The following PHF20 variants were observed in gnomAD, a reference collection of about 807,000 sequenced individuals.
The protein encoded by PHF20 is glioma-expressed antigen 2.
A neutral mutation model predicts 113.5 loss-of-function variants in PHF20; 23 were observed. That is an observed-to-expected ratio of 0.20 (90% confidence interval 0.15 to 0.29). The LOEUF (loss-of-function observed/expected upper bound fraction) is 0.29. Among genes scored for constraint, PHF20 ranks in the 10% least tolerant of loss-of-function variants. The probability of loss-of-function intolerance (pLI) is 1.00; values close to 1 mark genes in which losing one functional copy is unlikely to be tolerated. For synonymous variants in PHF20, 434 were observed against 457.3 expected (o/e 0.95, Z 0.65); for missense variants, 943 against 1,219.6 (o/e 0.77, Z 3.38).
intron 7 of PHF20, among the ~76,000 whole-genome samples, chr20:35,869,811 G>C (rs1303917940): frequency 4.6e-5 from 7 of 152,156 alleles, no homozygotes; most frequent in Admixed American, 2.0e-4. Context: ...GATGCCACTG[G>C]AAATTTAATG....
chr20:35,851,919 A>G (rs78708543), intron 4 of PHF20, among the ~76,000 whole-genome samples: 1 of 146,674 alleles, frequency 6.8e-6, no homozygotes, highest in Non-Finnish European at 1.5e-5. Context: ...TCCGTCTCCA[A>G]AAAAAAAAAA....
intron 9 of PHF20, among the ~76,000 whole-genome samples, chr20:35,880,984 T>A (rs1286103757): frequency 6.6e-6 from 1 of 151,848 alleles, no homozygotes; most frequent in East Asian, 1.9e-4. Flanking sequence ...TTAAAAATTT[T>A]TTTTTAGAAA....
At chr20:35,939,697 C>CT (rs2055939676) in intron 16 of PHF20, among the ~76,000 whole-genome samples, 2 of 152,198 alleles carry the variant, frequency 1.3e-5, no homozygotes, top group South Asian at 4.1e-4. Context: ...GTTTTCATCT[C>CT]TAACTGCTCA....
intron 4 of PHF20, among the ~76,000 whole-genome samples, chr20:35,849,138 G>C (rs941952463): frequency 3.9e-5 from 6 of 152,212 alleles, no homozygotes; most frequent in Non-Finnish European, 8.8e-5. Context: ...GGAAGAGGGA[G>C]GAGAGGATAT....
At chr20:35,859,619 A>G (rs889720620) in intron 5 of PHF20, among the ~76,000 whole-genome samples, 2 of 150,090 alleles carry the variant, frequency 1.3e-5, no homozygotes, top group Non-Finnish European at 3.0e-5. Context: ...ATCTTGGCCC[A>G]CTGCAACTTC....
At chr20:35,776,249 C>T (rs1223791377) in intron 1 of PHF20, among the ~76,000 whole-genome samples, 1 of 152,160 alleles carries the variant, frequency 6.6e-6, no homozygotes, top group African/African-American at 2.4e-5. Flanking sequence ...CTGTGATACC[C>T]CAAATCAGTG....
intron 5 of PHF20, among the ~76,000 whole-genome samples, chr20:35,861,000 C>CT (rs2054209145): frequency 6.6e-6 from 1 of 152,184 alleles, no homozygotes; most frequent in Non-Finnish European, 1.5e-5. Flanking sequence ...CCAATGGCCT[C>CT]TGAGTGTCTG....
chr20:35,929,486 G>A (rs372179576), intron 14 of PHF20, among the ~76,000 whole-genome samples: 7 of 152,386 alleles, frequency 4.6e-5, no homozygotes, highest in African/African-American at 1.7e-4. Flanking sequence ...CCAGACAGGC[G>A]ATGAGAACCA....
chr20:35,831,156 C>T (rs1348723432), intron 2 of PHF20, among the ~76,000 whole-genome samples: 3 of 150,634 alleles, frequency 2.0e-5, no homozygotes, highest in South Asian at 2.1e-4. Context: ...TCCCTCCCTC[C>T]CTCCTTTCCT....
At chr20:35,813,444 A>G (rs1315434303) in intron 2 of PHF20, among the ~76,000 whole-genome samples, 2 of 152,016 alleles carry the variant, frequency 1.3e-5, no homozygotes, top group African/African-American at 2.4e-5. Context: ...GTCCCTTAGC[A>G]TTTTCTTGTT....
chr20:35,841,024 C>T, intron 2 of PHF20, among the ~76,000 whole-genome samples: 1 of 152,210 alleles, frequency 6.6e-6, no homozygotes, highest in South Asian at 2.1e-4. Flanking sequence ...AATACATATC[C>T]TTTTTTCTCC....
rs565288769 is a variant in PHF20, at chr20:35,844,337, C to T, written c.255+1593C>T. ...CATGATGGTCTCGATTTCCTGACCT[C>T]GTGATCCGCCTGCCTCGGCCTCTCA... is the stretch of plus-strand genomic sequence containing the variant. On this transcript the variant is annotated intron_variant, in intron 3 of 17. Transcript: ENST00000374012. Among the ~76,000 whole-genome samples the T allele has an allele frequency of 5.3e-5, 8 of 150,992 alleles. No individual in the cohort carries two copies. The South Asian group carries it at 8.4e-4, about 16-fold the overall frequency.
At chr20:35,869,870 T>C (rs2146986931) in intron 7 of PHF20, among the ~76,000 whole-genome samples, 1 of 152,276 alleles carries the variant, frequency 6.6e-6, no homozygotes, top group Admixed American at 6.5e-5. Context: ...TTAAAAATAC[T>C]ACTTATTGGC....
intron 1 of PHF20, among the ~76,000 whole-genome samples, chr20:35,793,282 CAG>C (rs927872816): frequency 1.3e-5 from 2 of 151,684 alleles, no homozygotes; most frequent in African/African-American, 4.8e-5. Context: ...CTCAGTTCCT[CAG>C]AGAGTCCTTT....
intron 2 of PHF20, among the ~76,000 whole-genome samples, chr20:35,823,462 A>C (rs893551338): frequency 6.6e-6 from 1 of 150,630 alleles, no homozygotes; most frequent in African/African-American, 2.4e-5. Context: ...AAACCATAAT[A>C]AAAGTAATAA....
chr20:35,836,717 G>A (rs1188795242), intron 2 of PHF20, among the ~76,000 whole-genome samples: 1 of 151,908 alleles, frequency 6.6e-6, no homozygotes, highest in Admixed American at 6.6e-5. Context: ...GGTGGCAGGT[G>A]CCTGTAGTCC....
intron 3 of PHF20, among the ~76,000 whole-genome samples, chr20:35,845,967 G>T (rs916430266): frequency 6.6e-6 from 1 of 151,770 alleles, no homozygotes; most frequent in Admixed American, 6.6e-5. Flanking sequence ...GTAGAGGTGG[G>T]AGTTCATCAT....
intron 14 of PHF20, among the ~76,000 whole-genome samples, chr20:35,930,154 A>G (rs1456060109): frequency 6.6e-6 from 1 of 152,212 alleles, no homozygotes; most frequent in Admixed American, 6.5e-5. Flanking sequence ...ACAGGTACAG[A>G]GAAGGGAAGG....
intron 2 of PHF20, among the ~76,000 whole-genome samples, chr20:35,830,157 A>G (rs1267337553): frequency 1.3e-5 from 2 of 151,178 alleles, no homozygotes; most frequent in Non-Finnish European, 3.0e-5. Flanking sequence ...CAGGCAGTCC[A>G]CCTGCCTCGG....
Sources: gnomAD v4.1 joint callset for allele counts (sites outside exome capture counted in the v4.1 genomes callset) on GRCh38, gnomAD v4.1.1 for gene constraint, MANE v1.5 for transcripts, NCBI Gene and HGNC (gene_info 2026-07-23, HGNC 2026-07-21) for gene names.